The following NPSR1 variants were observed in gnomAD, a reference collection of about 807,000 sequenced individuals.
NPSR1 encodes the protein neuropeptide S receptor 1.
Under a neutral mutation model 46.9 loss-of-function variants are expected in NPSR1, and 48 were observed. The observed-to-expected ratio is 1.02, with a 90% CI of 0.81 to 1.30. NPSR1 has a LOEUF of 1.30. Ranked by LOEUF, NPSR1 falls within the 50% of genes most tolerant of loss-of-function variation. The pLI is 0.00. For missense variants in NPSR1, 450 were observed against 449.5 expected, an observed-to-expected ratio of 1.00 and a Z score of -0.01; for synonymous variants, 176 against 168.1, an observed-to-expected ratio of 1.05 and a Z score of -0.36.
intron 2 of NPSR1, among the ~76,000 whole-genome samples, chr7:34,777,190 T>G (rs892160775): frequency 6.6e-6 from 1 of 152,064 alleles, no homozygotes; most frequent in Non-Finnish European, 1.5e-5. Context: ...GACTTTCAAG[T>G]GTATTTAGAG....
At chr7:34,750,157 GGCAAATATTCT>G in intron 2 of NPSR1, 1 of 315,612 alleles carries the variant, frequency 3.2e-6, no homozygotes, top group Non-Finnish European at 5.8e-6. Flanking sequence ...AAAGGAGACA[GGCAAATATTCT>G]ACAAGGGGAA....
chr7:34,810,744 G>A (rs544935931), intron 3 of NPSR1, among the ~76,000 whole-genome samples: 5 of 152,188 alleles, frequency 3.3e-5, no homozygotes, highest in African/African-American at 1.2e-4. Context: ...AAATGTCAAG[G>A]ACTGATCCTG....
chr7:34,803,120 G>A (rs888349638), intron 3 of NPSR1, among the ~76,000 whole-genome samples: 26 of 151,056 alleles, frequency 1.7e-4, no homozygotes, highest in Non-Finnish European at 3.4e-4. Context: ...CTGTTGGTGG[G>A]ACTGTAAACT....
intron 3 of NPSR1, among the ~76,000 whole-genome samples, chr7:34,810,267 T>G (rs1462682021): frequency 6.6e-6 from 1 of 152,246 alleles, no homozygotes; most frequent in Admixed American, 6.5e-5. Context: ...ACAGCCAGAC[T>G]CTTGATAGAA....
chr7:34,784,172 C>T (rs1051872926), intron 3 of NPSR1, among the ~76,000 whole-genome samples: 2 of 152,318 alleles, frequency 1.3e-5, no homozygotes, highest in African/African-American at 2.4e-5. Context: ...GAATACCCTT[C>T]ATTTCCTTCT....
At chr7:34,792,677 A>ATATATATATATGTATATATATACGTG (rs1787961663) in intron 3 of NPSR1, among the ~76,000 whole-genome samples, 4 of 90,560 alleles carry the variant, frequency 4.4e-5, no homozygotes, top group Non-Finnish European at 7.1e-5. Context: ...ATATATATGT[A>ATATATATATATGTATATATATACGTG]TATATATATA....
At chr7:34,672,554 C>T (rs955827845) in intron 1 of NPSR1, among the ~76,000 whole-genome samples, 4 of 152,160 alleles carry the variant, frequency 2.6e-5, no homozygotes, top group African/African-American at 2.4e-5. Flanking sequence ...GCATGATCTA[C>T]GGCCCATGGT....
intron 2 of NPSR1, among the ~76,000 whole-genome samples, chr7:34,730,481 T>C (rs1183062468): frequency 6.6e-6 from 1 of 152,178 alleles, no homozygotes; most frequent in Non-Finnish European, 1.5e-5. Context: ...CTAGCAAATG[T>C]AGGACATAGG....
At chr7:34,674,238 G>A (rs1456875928) in intron 1 of NPSR1, among the ~76,000 whole-genome samples, 2 of 152,140 alleles carry the variant, frequency 1.3e-5, no homozygotes, top group Non-Finnish European at 2.9e-5. Context: ...CAACTGTCCA[G>A]CTACTGCCCA....
At chr7:34,793,340 T>C (rs1194598447) in intron 3 of NPSR1, among the ~76,000 whole-genome samples, 1 of 151,432 alleles carries the variant, frequency 6.6e-6, no homozygotes, top group Non-Finnish European at 1.5e-5. Flanking sequence ...TATGAGAAAC[T>C]CAAACAACTC....
intron 2 of NPSR1, among the ~76,000 whole-genome samples, chr7:34,731,506 A>G (rs146739760): frequency 1.4e-4 from 22 of 152,314 alleles, no homozygotes; most frequent in African/African-American, 5.1e-4. Flanking sequence ...CCTGGGTTAC[A>G]TTTTGCTTTT....
chr7:34,720,149 G>A (rs1327213780), intron 2 of NPSR1, among the ~76,000 whole-genome samples: 2 of 151,918 alleles, frequency 1.3e-5, no homozygotes, highest in African/African-American at 2.4e-5. Flanking sequence ...GTGTAGTGGT[G>A]CACGCCTGTA....
chr7:34,769,509 C>T (rs1458510534), intron 2 of NPSR1, among the ~76,000 whole-genome samples: 1 of 152,130 alleles, frequency 6.6e-6, no homozygotes, highest in East Asian at 1.9e-4. Context: ...TTCTGCAGAC[C>T]CATTTTTGCC....
downstream of NPSR1, among the ~76,000 whole-genome samples, chr7:34,850,897 T>G (rs1790916534): frequency 6.6e-6 from 1 of 152,180 alleles, no homozygotes; most frequent in Non-Finnish European, 1.5e-5. Flanking sequence ...TGTCACAGCC[T>G]TTGTCTAGCA....
intron 2 of NPSR1, among the ~76,000 whole-genome samples, chr7:34,776,416 T>A (rs1344308774): frequency 6.6e-6 from 1 of 152,118 alleles, no homozygotes; most frequent in Non-Finnish European, 1.5e-5. Context: ...ATTGTTATAT[T>A]CTCTTGCTGA....
At chr7:34,796,760 G>C (rs191110641) in intron 3 of NPSR1, among the ~76,000 whole-genome samples, 4 of 152,298 alleles carry the variant, frequency 2.6e-5, no homozygotes, top group Non-Finnish European at 4.4e-5. Context: ...CCACTTCAGC[G>C]ACAGTTTAGT....
chr7:34,710,385 G>T lies in NPSR1; in HGVS notation c.280+25701G>T, dbSNP rs10245329. On this transcript the variant is annotated intron_variant, in intron 2 of 8. Transcript: ENST00000360581. ...ATTTTCTGTGAATTAACTGTTTCTA[G>T]ATTCTAATATTAGTGACTAAACTGC... Among the ~76,000 whole-genome samples, 198 of 152,328 alleles carry T rather than the reference G, an allele frequency of 1.3e-3. 2 individuals are homozygous for T. Among genetic ancestry groups the T allele is most frequent in the African/African-American group, 4.6e-3 (193 of 41,578 alleles).
At chr7:34,720,720 C>G (rs937603880) in intron 2 of NPSR1, among the ~76,000 whole-genome samples, 2 of 152,060 alleles carry the variant, frequency 1.3e-5, no homozygotes, top group Admixed American at 1.3e-4. Flanking sequence ...CCATCAGAAA[C>G]TTGGAGTTGG....
intron 2 of NPSR1, among the ~76,000 whole-genome samples, chr7:34,757,107 T>C (rs1785904696): frequency 6.6e-6 from 1 of 152,232 alleles, no homozygotes; most frequent in Non-Finnish European, 1.5e-5. Context: ...CTTTTTCTAC[T>C]ACCTGTGGTG....
Sources: allele counts gnomAD v4.1 joint callset (sites outside exome capture counted in the v4.1 genomes callset), GRCh38; gene constraint gnomAD v4.1.1; transcripts MANE v1.5; gene names NCBI Gene and HGNC (gene_info 2026-07-23, HGNC 2026-07-21).